Variants in KIF6 observed in about 807,000 individuals in gnomAD.
KIF6 encodes the protein kinesin family member 6.
Under a neutral mutation model 112.7 loss-of-function variants are expected in KIF6, and 106 were observed. That is an observed-to-expected ratio of 0.94 (90% CI 0.80 to 1.11). KIF6 has a LOEUF of 1.11. Ranked by LOEUF, KIF6 falls within the 50% of genes least tolerant of loss-of-function variation. KIF6 has a pLI of 0.00. For synonymous variants in KIF6, 339 were observed against 339.9 expected, an observed-to-expected ratio of 1.00 and a Z score of 0.03; for missense variants, 929 against 964.0, an observed-to-expected ratio of 0.96 and a Z score of 0.48.
intron 14 of KIF6, among the ~76,000 whole-genome samples, chr6:39,422,282 G>T (rs1310828946): frequency 1.3e-5 from 2 of 152,170 alleles, no homozygotes; most frequent in African/African-American, 2.4e-5. Flanking sequence ...CCCCAGCCTT[G>T]GCGGTGCCCA....
At chr6:39,707,501 T>C (rs1789287328) in intron 3 of KIF6, among the ~76,000 whole-genome samples, 1 of 152,314 alleles carries the variant, frequency 6.6e-6, no homozygotes, top group South Asian at 2.1e-4. Flanking sequence ...TGCAGATATA[T>C]GAGGGGAAAA....
chr6:39,528,470 A>T (rs1777862089), intron 13 of KIF6, among the ~76,000 whole-genome samples: 1 of 152,202 alleles, frequency 6.6e-6, no homozygotes, highest in Admixed American at 6.5e-5. Flanking sequence ...TCTTTTGGAT[A>T]CATATTGATT....
intron 13 of KIF6, among the ~76,000 whole-genome samples, chr6:39,506,688 G>T (rs1404833683): frequency 6.6e-6 from 1 of 151,902 alleles, no homozygotes; most frequent in East Asian, 1.9e-4. Flanking sequence ...TAAATCCCTT[G>T]GAATTTCCTG....
intron 10 of KIF6, among the ~76,000 whole-genome samples, chr6:39,567,808 T>G (rs375623498): frequency 1.3e-5 from 2 of 152,058 alleles, no homozygotes; most frequent in African/African-American, 4.8e-5. Context: ...GGGGTTTCAC[T>G]GTGTTAGCCA....
At chr6:39,534,727 C>G (rs1337302720) in intron 13 of KIF6, among the ~76,000 whole-genome samples, 1 of 152,150 alleles carries the variant, frequency 6.6e-6, no homozygotes, top group Non-Finnish European at 1.5e-5. Context: ...CAAAGATACT[C>G]CTCAAGAAGA....
chr6:39,337,169 TTCC>T (rs1384896680), intron 22 of KIF6, among the ~76,000 whole-genome samples: 4,370 of 46,226 alleles, frequency 0.095, 381 homozygotes, highest in African/African-American at 0.19. Context: ...CTTTCTTTCC[TTCC>T]TTCTTTCTTT....
intron 13 of KIF6, among the ~76,000 whole-genome samples, chr6:39,495,329 C>T (rs1775721048): frequency 6.6e-6 from 1 of 152,136 alleles, no homozygotes; most frequent in African/African-American, 2.4e-5. Flanking sequence ...GCCCATATGT[C>T]CGCGTGTCCC....
At chr6:39,564,279 G>A (rs1780164763) in intron 10 of KIF6, among the ~76,000 whole-genome samples, 1 of 152,200 alleles carries the variant, frequency 6.6e-6, no homozygotes, top group South Asian at 2.1e-4. Context: ...ACAAATTTTT[G>A]AGGATGTGGC....
At chr6:39,593,773 A>C (rs1228882300) in intron 7 of KIF6, among the ~76,000 whole-genome samples, 1 of 152,102 alleles carries the variant, frequency 6.6e-6, no homozygotes, top group Non-Finnish European at 1.5e-5. Flanking sequence ...GCTCGCCTCT[A>C]TTCATTCCTC....
At chr6:39,431,703 C>T (rs1771168137) in intron 13 of KIF6, among the ~76,000 whole-genome samples, 1 of 152,166 alleles carries the variant, frequency 6.6e-6, no homozygotes, top group African/African-American at 2.4e-5. Flanking sequence ...AGTTACAAGA[C>T]TCATGAGCTG....
intron 13 of KIF6, among the ~76,000 whole-genome samples, chr6:39,502,572 C>A (rs545700802): frequency 5.3e-5 from 8 of 152,246 alleles, no homozygotes; most frequent in African/African-American, 1.7e-4. Context: ...AAACCTAGAC[C>A]CATTGTTATG....
intron 13 of KIF6, among the ~76,000 whole-genome samples, chr6:39,453,716 C>CA (rs1319516620): frequency 2.6e-5 from 4 of 152,040 alleles, no homozygotes; most frequent in Non-Finnish European, 4.4e-5. Flanking sequence ...ATAAAAACCA[C>CA]AAAAAAAGGG....
At chr6:39,572,597 T>C (rs1040045096) in intron 10 of KIF6, among the ~76,000 whole-genome samples, 2 of 151,880 alleles carry the variant, frequency 1.3e-5, no homozygotes, top group African/African-American at 2.4e-5. Flanking sequence ...ACAGAAAATA[T>C]TTGACTCGCT....
chr6:39,565,515 C>G (rs1324197127), intron 10 of KIF6, among the ~76,000 whole-genome samples: 2 of 152,188 alleles, frequency 1.3e-5, no homozygotes, highest in African/African-American at 2.4e-5. Flanking sequence ...TCTTCCAAGT[C>G]TCAGGTATGA....
intron 10 of KIF6, among the ~76,000 whole-genome samples, chr6:39,569,961 GATTT>G (rs1162366038): frequency 6.6e-6 from 1 of 152,130 alleles, no homozygotes; most frequent in Non-Finnish European, 1.5e-5. Flanking sequence ...TTCAAAGTGC[GATTT>G]ATTTGATGGA....
intron 13 of KIF6, among the ~76,000 whole-genome samples, chr6:39,473,990 T>C (rs959827312): frequency 7.9e-5 from 12 of 152,150 alleles, no homozygotes; most frequent in Non-Finnish European, 1.6e-4. Context: ...CTGTTCTTTA[T>C]TTGGTCTCTG....
intron 2 of KIF6, 37 bp downstream of exon 2, chr6:39,720,665 T>C: frequency 9.3e-7 from 1 of 1,075,000 alleles, no homozygotes; most frequent in Non-Finnish European, 1.4e-6. Flanking sequence ...AGTTCAATAA[T>C]GAAACAGAAA....
intron 3 of KIF6, among the ~76,000 whole-genome samples, chr6:39,680,846 A>G (rs920605493): frequency 2.0e-5 from 3 of 152,208 alleles, no homozygotes; most frequent in African/African-American, 7.2e-5. Flanking sequence ...TTTATTAGGT[A>G]AAATAGGGAA....
At chr6:39,534,211 AG>A (rs1381799498) in intron 13 of KIF6, among the ~76,000 whole-genome samples, 3 of 152,194 alleles carry the variant, frequency 2.0e-5, no homozygotes, top group African/African-American at 7.2e-5. Context: ...AGCTGGACGG[AG>A]AATGACTTTG....
Sources: allele counts gnomAD v4.1 joint callset (sites outside exome capture counted in the v4.1 genomes callset), GRCh38; gene constraint gnomAD v4.1.1; transcripts MANE v1.5; gene names NCBI Gene and HGNC (gene_info 2026-07-23, HGNC 2026-07-21).